The following TJAP1 variants were observed in gnomAD, a reference collection of about 807,000 sequenced individuals.
TJAP1 encodes tight junction-associated protein 1.
In TJAP1, 27 loss-of-function variants were observed where a neutral mutation model predicts 42.0. The ratio of observed to expected loss-of-function variants is 0.64; its 90% CI spans 0.47 to 0.89. The LOEUF is 0.89. TJAP1 is among the 40% of genes least tolerant of loss of function. The pLI is 0.00. For synonymous variants in TJAP1, 257 were observed against 288.4 expected (o/e 0.89, Z 1.10); for missense variants, 712 against 726.9 (o/e 0.98, Z 0.24).
intron 2 of TJAP1, among the ~76,000 whole-genome samples, chr6:43,493,004 C>A (rs944588798): frequency 2.6e-5 from 4 of 152,152 alleles, no homozygotes; most frequent in Non-Finnish European, 5.9e-5. Context: ...TGATGAGGGG[C>A]TTTAGGAAGG....
At chr6:43,504,068 G>GC in intron 10 of TJAP1, 2 of 422,914 alleles carry the variant, frequency 4.7e-6, no homozygotes, top group South Asian at 2.1e-5. Flanking sequence ...ACAGCTTCAG[G>GC]CCCAAGGTTT....
chr6:43,480,753 C>T (rs529526502), intron 2 of TJAP1, among the ~76,000 whole-genome samples: 14 of 152,264 alleles, frequency 9.2e-5, no homozygotes, highest in South Asian at 2.1e-4. Context: ...TGACCTCAGG[C>T]GATCTGCCTA....
At chr6:43,504,670 A>G (rs1791834055) in intron 10 of TJAP1, 91 bp from the exon 11 acceptor site, 1 of 1,488,616 alleles carries the variant, frequency 6.7e-7, no homozygotes. Flanking sequence ...ACACAGAGGT[A>G]CTTAAAGGTG....
At chr6:43,486,968 G>A (rs1786676364) in intron 2 of TJAP1, among the ~76,000 whole-genome samples, 1 of 152,176 alleles carries the variant, frequency 6.6e-6, no homozygotes, top group Non-Finnish European at 1.5e-5. Flanking sequence ...CTTTGCAGAT[G>A]GCAACTTGCG....
intron 2 of TJAP1, among the ~76,000 whole-genome samples, chr6:43,488,267 A>G (rs1787008715): frequency 6.6e-6 from 1 of 152,144 alleles, no homozygotes; most frequent in Non-Finnish European, 1.5e-5. Flanking sequence ...TAAGTGACCA[A>G]GGAGTGGAAT....
Position 43,505,852 on chromosome 6 carries a change from C to T in TJAP1, c.1671C>T (p.Asn557=). The change falls in exon 11 of 11, where the codon AAC becomes AAT. Residue 557 remains asparagine (N), a synonymous_variant. Coordinates refer to ENST00000372449, the Ensembl canonical transcript of TJAP1. This position sits in a 1 kb window ranked among gnomAD's most constrained non-coding sequence, Gnocchi z 5.5. ...CCCAGGAGCAGGGCAACCTGCTCAA[C>T]TAGGGCCCCTGCTGGCCTTCCTGCC... 2.1e-6 allele frequency: 3 copies of T among 1,462,474 alleles called. No individual in the cohort carries two copies. Among genetic ancestry groups the T allele is most frequent in the Non-Finnish European group, 2.7e-6 (3 of 1,111,606 alleles). 90.6% of individuals were successfully genotyped at this position (1,462,474 alleles called of 1,614,324 possible). A position where few individuals can be genotyped will look rare whatever the true frequency, so the allele number is the denominator to read the frequency against.
chr6:43,502,361 G>A lies in TJAP1; in HGVS notation c.357+12G>A, dbSNP rs756186906. ...AGCTGCACACACTGGTAATCTGTCT[G>A]GGAGGGCAGCTTGGTGGGCACTGTG... On this transcript the variant is annotated intron_variant, in intron 7 of 10. Coordinates refer to ENST00000372449, the Ensembl canonical transcript of TJAP1. The A allele has an allele frequency of 6.2e-7, 1 of 1,613,106 alleles. No individual in the cohort carries two copies. The highest frequency in any genetic ancestry group is 8.5e-7 in the Non-Finnish European group (1 of 1,179,756).
chr6:43,491,897 C>T lies in TJAP1; in HGVS notation c.-121-5984C>T, dbSNP rs746002301. On this transcript the variant is annotated intron_variant, in intron 2 of 10. Transcript: ENST00000372449. The surrounding 1 kb of genome is among the most constrained non-coding windows in gnomAD (Gnocchi z 4.6). Reference sequence around the variant, plus strand: ...TTAGGGACCCCAAATGGGGAGTTAACAAGCTGGAGGCTTTCTTGACTTGGC... The same window carrying T: ...TTAGGGACCCCAAATGGGGAGTTAATAAGCTGGAGGCTTTCTTGACTTGGC... Among the ~76,000 whole-genome samples, 12 of 152,180 alleles carry T rather than the reference C, an allele frequency of 7.9e-5. No homozygotes were observed. Among genetic ancestry groups the T allele is most frequent in the Non-Finnish European group, 1.5e-4 (10 of 68,022 alleles).
rs1581971838 is a variant in TJAP1 at position 43,490,593 on chromosome 6, C to T, written c.-121-7288C>T. Reference sequence around the variant, plus strand: ...TGGGGAGGTAGAGGAAAACCTTGACCTGGTTCTGGGGAATTCCCTGGGCAG... The same window carrying T: ...TGGGGAGGTAGAGGAAAACCTTGACTTGGTTCTGGGGAATTCCCTGGGCAG... On this transcript the variant is annotated intron_variant, in intron 2 of 10. Transcript: ENST00000372449. Among the ~76,000 whole-genome samples, 3 of 152,322 alleles carry T rather than the reference C, an allele frequency of 2.0e-5. No individual in the cohort carries two copies. The South Asian group carries it at 6.2e-4, about 32-fold the overall frequency.
intron 2 of TJAP1, among the ~76,000 whole-genome samples, chr6:43,478,476 A>G (rs561949984): frequency 3.9e-5 from 6 of 152,294 alleles, no homozygotes; most frequent in Admixed American, 3.9e-4. Context: ...AGGCCTAGAG[A>G]CCAGGCCGAA....
At chr6:43,501,234 C>T (rs1353339736) in intron 5 of TJAP1, 1 of 424,108 alleles carries the variant, frequency 2.4e-6, no homozygotes, top group Admixed American at 4.1e-5. Flanking sequence ...AGGCTGGGAG[C>T]CATATCCCTA....
At chr6:43,499,445 C>T (rs1161043328) in intron 4 of TJAP1, among the ~76,000 whole-genome samples, 1 of 152,246 alleles carries the variant, frequency 6.6e-6, no homozygotes, top group Non-Finnish European at 1.5e-5. Flanking sequence ...TGGAGTAGAG[C>T]CATTCAACCT....
chr6:43,477,627 A>C (rs1051767417), exon 1 of TJAP1: 1 of 152,340 alleles, frequency 6.6e-6, no homozygotes. Context: ...CAGCGGCGGA[A>C]AGTTTGTTGT....
At chr6:43,481,314 A>C (rs1785255116) in intron 2 of TJAP1, among the ~76,000 whole-genome samples, 1 of 151,150 alleles carries the variant, frequency 6.6e-6, no homozygotes, top group African/African-American at 2.4e-5. Context: ...GGACAGACTG[A>C]CATTAGAATC....
In TJAP1 at chr6:43,495,585, G is replaced by A. The variant is rs1454901938; in HGVS notation, c.-121-2296G>A. Among the ~76,000 whole-genome samples, 1 of 152,150 alleles carries A rather than the reference G, an allele frequency of 6.6e-6. No homozygotes were observed. Among genetic ancestry groups the A allele is most frequent in the East Asian group, 1.9e-4 (1 of 5,200 alleles). On this transcript the variant is annotated intron_variant, in intron 2 of 10. Coordinates refer to ENST00000372449, the Ensembl canonical transcript of TJAP1. This position sits in a 1 kb window ranked among gnomAD's most constrained non-coding sequence, Gnocchi z 4.6. ...TTGCCTTCTGCTTCCTTAGTTGGGA[G>A]TGGTTTCCCATACCTGTAACTCTGA...
chr6:43,503,170 C>T, intron 8 of TJAP1: 1 of 569,798 alleles, frequency 1.8e-6, no homozygotes, highest in African/African-American at 1.9e-5. Context: ...TGCCTGTGTC[C>T]TGGGCCCAGG....
rs112310632 is a variant in TJAP1 at position 43,479,261 on chromosome 6, C to T, written c.-122+1029C>T. ...GGTTTGATCTAGAACTCTTCATTTACTGTCTGCTCTGTACCTGTCCCCCCA... is the reference window on the plus strand; with the variant it reads ...GGTTTGATCTAGAACTCTTCATTTATTGTCTGCTCTGTACCTGTCCCCCCA... On this transcript the variant is annotated intron_variant, in intron 2 of 10. Coordinates refer to ENST00000372449, the Ensembl canonical transcript of TJAP1. Among the ~76,000 whole-genome samples, 1,087 of 152,330 alleles carry T rather than the reference C, an allele frequency of 7.1e-3. 11 individuals are homozygous for T. The highest frequency in any genetic ancestry group is 9.3e-3 in the Non-Finnish European group (633 of 68,036).
chr6:43,498,744 C>G (rs1256271871), intron 3 of TJAP1, among the ~76,000 whole-genome samples: 1 of 152,172 alleles, frequency 6.6e-6, no homozygotes, highest in Non-Finnish European at 1.5e-5. Context: ...TAGGCCCTGC[C>G]TTTCCCACCC....
intron 4 of TJAP1, 51 bp from the exon 5 acceptor site, chr6:43,500,693 C>G: frequency 6.2e-7 from 1 of 1,612,114 alleles, no homozygotes; most frequent in South Asian, 1.1e-5. Flanking sequence ...GTGAGCCAGC[C>G]GGGGGTCCAG....
Sources: allele counts gnomAD v4.1 joint callset (sites outside exome capture counted in the v4.1 genomes callset), GRCh38; gene constraint gnomAD v4.1.1; non-coding constraint Gnocchi (gnomAD v3.1); transcripts MANE v1.5; gene names NCBI Gene and HGNC (gene_info 2026-07-23, HGNC 2026-07-21).